Variants in AMBRA1 observed in about 807,000 individuals in gnomAD.
AMBRA1 encodes the protein autophagy and beclin 1 regulator 1.
A neutral mutation model predicts 125.4 loss-of-function variants in AMBRA1; 47 were observed. The observed-to-expected ratio is 0.37, with a 90% confidence interval of 0.30 to 0.48. The LOEUF is 0.48. Ranked by LOEUF, AMBRA1 falls within the 20% of genes least tolerant of loss-of-function variation. The pLI is 0.99. For missense variants in AMBRA1, 1,331 were observed against 1,693.4 expected, an observed-to-expected ratio of 0.79 and a Z score of 3.76; for synonymous variants, 626 against 655.5, an observed-to-expected ratio of 0.95 and a Z score of 0.69.
intron 9 of AMBRA1, among the ~76,000 whole-genome samples, chr11:46,503,512 C>G (rs1950921017): frequency 6.6e-6 from 1 of 152,168 alleles, no homozygotes; most frequent in South Asian, 2.1e-4. Flanking sequence ...GTGTGACAGA[C>G]AGACACAAAA....
chr11:46,588,611 A>G (rs1218325901), intron 1 of AMBRA1, among the ~76,000 whole-genome samples: 1 of 151,130 alleles, frequency 6.6e-6, no homozygotes, highest in Non-Finnish European at 1.5e-5. Flanking sequence ...ACCCGTCTCT[A>G]CTAAAAAAAA....
chr11:46,515,245 G>C (rs1951425397), intron 7 of AMBRA1, among the ~76,000 whole-genome samples: 1 of 152,144 alleles, frequency 6.6e-6, no homozygotes, highest in South Asian at 2.1e-4. Context: ...AGGCCAGATG[G>C]GTGAACTGCC....
At chr11:46,450,886 G>T (rs1354339388) in intron 11 of AMBRA1, among the ~76,000 whole-genome samples, 6 of 152,218 alleles carry the variant, frequency 3.9e-5, no homozygotes, top group Admixed American at 3.9e-4. Context: ...TGATAATGAT[G>T]TGTCTACGTT....
rs576457871 is a variant in AMBRA1, at chr11:46,408,146, C to T, written c.3403+367G>A. Among the ~76,000 whole-genome samples the T allele has an allele frequency of 2.6e-5, 4 of 152,168 alleles. No homozygotes were observed. In the South Asian group the frequency reaches 6.2e-4, roughly 24 times the overall value. On this transcript the variant is annotated intron_variant, in intron 17 of 17. Transcript: ENST00000683756. ...CAAATCTGCCACACTGGTAGGGGGA[C>T]GACAAGCTAGGCTGTGGTTTGGCCC...
At chr11:46,547,046 G>A (rs892310830) in intron 4 of AMBRA1, 67 bp downstream of exon 4, 73 of 1,467,318 alleles carry the variant, frequency 5.0e-5, no homozygotes, top group East Asian at 3.9e-4. Flanking sequence ...GCAACAGAGC[G>A]AGACTCCGTC....
chr11:46,450,104 G>C (rs772027851), intron 11 of AMBRA1, among the ~76,000 whole-genome samples: 12 of 150,420 alleles, frequency 8.0e-5, no homozygotes, highest in Non-Finnish European at 1.6e-4. Flanking sequence ...ACCTACACAT[G>C]GATATTTATA....
At chr11:46,568,797 C>T (rs2043637663) in intron 1 of AMBRA1, among the ~76,000 whole-genome samples, 1 of 146,182 alleles carries the variant, frequency 6.8e-6, no homozygotes, top group African/African-American at 2.6e-5. Context: ...GAACCCTCAA[C>T]CCTACCTTTT....
chr11:46,544,434 T>A (rs957632513), intron 5 of AMBRA1, among the ~76,000 whole-genome samples: 10 of 152,172 alleles, frequency 6.6e-5, no homozygotes, highest in African/African-American at 2.4e-4. Context: ...TGAATCTTGG[T>A]GGCAATGAAC....
chr11:46,498,025 A>G (rs1051818635), intron 9 of AMBRA1, among the ~76,000 whole-genome samples: 2 of 152,172 alleles, frequency 1.3e-5, no homozygotes, highest in African/African-American at 4.8e-5. Context: ...GAAATCTGCC[A>G]CTCACTTCCG....
intron 1 of AMBRA1, among the ~76,000 whole-genome samples, chr11:46,565,568 G>A (rs1456624699): frequency 6.6e-6 from 1 of 151,986 alleles, no homozygotes; most frequent in African/African-American, 2.4e-5. Context: ...TTAGCCGGGT[G>A]TGGTGGCATG....
chr11:46,482,106 G>T (rs1246168664), intron 11 of AMBRA1, among the ~76,000 whole-genome samples: 1 of 152,116 alleles, frequency 6.6e-6, no homozygotes, highest in African/African-American at 2.4e-5. Flanking sequence ...TTTTGCTTAG[G>T]ATTGCTTTGG....
chr11:46,589,593 G>A (rs540673028), intron 1 of AMBRA1, among the ~76,000 whole-genome samples: 1 of 152,172 alleles, frequency 6.6e-6, no homozygotes, highest in East Asian at 1.9e-4. Flanking sequence ...CTTTAAGAGT[G>A]AGATAAATTG....
intron 7 of AMBRA1, among the ~76,000 whole-genome samples, chr11:46,539,099 G>C (rs1296286717): frequency 6.6e-6 from 1 of 151,568 alleles, no homozygotes; most frequent in South Asian, 2.1e-4. Context: ...TCTAGGTGCC[G>C]GGAGCAGACG....
chr11:46,567,443 T>C (rs2043572638), intron 1 of AMBRA1, among the ~76,000 whole-genome samples: 1 of 152,108 alleles, frequency 6.6e-6, no homozygotes, highest in East Asian at 1.9e-4. Context: ...CTTGGCTCAA[T>C]GCATTCTCCA....
In AMBRA1 at chr11:46,397,700, G is replaced by A. The variant is rs1945523339; in HGVS notation, c.3647C>T (p.Pro1216Leu). ...TCGCTCTGCCAGTTGCCCGGCCTCT[G>A]GGAGCAGTCCCCGAGAGGTGGAGGG... is the stretch of plus-strand genomic sequence containing the variant. ...PQPSTSRGLL[P>L]EAGQLAERGL... Residue 1216 changes from proline to leucine, a missense_variant, in exon 18 of 18, where the codon CCA (proline) becomes CTA (leucine). Pro to Leu is a moderately conservative substitution (Grantham distance 98). Coordinates refer to ENST00000683756, the MANE Select transcript of AMBRA1 (RefSeq NM_001387011.1). The A allele has an allele frequency of 1.2e-6, 2 of 1,613,074 alleles. No homozygotes were observed. Among genetic ancestry groups the A allele is most frequent in the Admixed American group, 1.7e-5 (1 of 60,010 alleles).
At chr11:46,507,404 G>C (rs1951085879) in intron 9 of AMBRA1, among the ~76,000 whole-genome samples, 1 of 151,606 alleles carries the variant, frequency 6.6e-6, no homozygotes, top group Non-Finnish European at 1.5e-5. Context: ...GCGTGAACTC[G>C]GGAGGCGGAG....
Position 46,484,769 on chromosome 11 carries a change from C to T in AMBRA1, c.2521+8839G>A, listed in dbSNP as rs1410085434. On this transcript the variant is annotated intron_variant, in intron 11 of 17. Coordinates refer to ENST00000683756, the MANE Select transcript of AMBRA1 (RefSeq NM_001387011.1). ...TTCACATCATTCTCCCTCAGCCTCC[C>T]GAGTAGCTGGGACTACAGGCACCTG... Among the ~76,000 whole-genome samples, 4 of 151,930 alleles carry T rather than the reference C, an allele frequency of 2.6e-5. No homozygotes were observed. In the East Asian group the frequency reaches 7.8e-4, roughly 30 times the overall value.
chr11:46,553,658 TC>T (rs2043081866), intron 1 of AMBRA1, among the ~76,000 whole-genome samples: 1 of 151,846 alleles, frequency 6.6e-6, no homozygotes, highest in Non-Finnish European at 1.5e-5. Context: ...GTTGGGAGAA[TC>T]GCTTGGACCT....
rs371799005 is a variant in AMBRA1, at chr11:46,442,862, T to C, written c.2632+626A>G. 1.4e-4 allele frequency among the ~76,000 whole-genome samples: 21 copies of C among 152,274 alleles called. No individual in the cohort carries two copies. The South Asian group carries it at 2.1e-3, about 15-fold the overall frequency. On this transcript the variant is annotated intron_variant, in intron 12 of 17. Coordinates refer to ENST00000683756, the MANE Select transcript of AMBRA1 (RefSeq NM_001387011.1). ...TGAACAACTAAGCCCTATGGGATTA[T>C]AGGTGCATGCCATCATGCCTAGCTA...
Sources: gnomAD v4.1 joint callset for allele counts (sites outside exome capture counted in the v4.1 genomes callset) on GRCh38, gnomAD v4.1.1 for gene constraint, MANE v1.5 for transcripts, NCBI Gene and HGNC (gene_info 2026-07-23, HGNC 2026-07-21) for gene names.